Variants in SMARCD3 observed in about 807,000 individuals in gnomAD.
SMARCD3 encodes the protein SWI/SNF related BAF chromatin remodeling complex subunit D3.
A neutral mutation model predicts 58.0 loss-of-function variants in SMARCD3; 14 were observed. The observed-to-expected ratio is 0.24, with a 90% CI of 0.16 to 0.38. SMARCD3 has a LOEUF of 0.38. Ranked by LOEUF, SMARCD3 falls within the 10% of genes least tolerant of loss-of-function variation. The pLI is 1.00. For synonymous variants in SMARCD3, 253 were observed against 253.8 expected, an observed-to-expected ratio of 1.00 and a Z score of 0.03; for missense variants, 408 against 636.9, an observed-to-expected ratio of 0.64 and a Z score of 3.87.
rs2150598656 is a variant in SMARCD3, at chr7:151,248,359, T to G, written c.78+126A>C. On this transcript the variant is annotated intron_variant, in intron 1 of 12. Coordinates refer to ENST00000262188, the MANE Select transcript of SMARCD3 (RefSeq NM_001003801.2). The surrounding 1 kb of genome is among the most constrained non-coding windows in gnomAD (Gnocchi z 6.1). ...CCAGCACAGTCCCGCGGCCGGGCCG[T>G]GGGCCATGACGCCCCCCACTAGAGG... The G allele has an allele frequency of 1.2e-6, 1 of 809,554 alleles. No individual in the cohort carries two copies. The highest frequency in any genetic ancestry group is 2.0e-6 in the Non-Finnish European group (1 of 499,882). 50.1% of individuals were successfully genotyped at this position (809,554 alleles called of 1,614,324 possible).
chr7:151,259,615 T>TTGTTGTCTG (rs1554490163), intron 2 of SMARCD3, among the ~76,000 whole-genome samples: 1 of 134,202 alleles, frequency 7.5e-6, no homozygotes, highest in Non-Finnish European at 1.6e-5. Flanking sequence ...TTTTTTTTTT[T>TTGTTGTCTG]TTTTTTTTTT....
chr7:151,269,895 C>G (rs921511072), intron 2 of SMARCD3, among the ~76,000 whole-genome samples: 26 of 152,188 alleles, frequency 1.7e-4, no homozygotes, highest in African/African-American at 6.0e-4. Flanking sequence ...GTACCCCTTC[C>G]CCATCTGCCT....
At position 151,241,365 on chromosome 7, in the gene SMARCD3, GACTGTGT is replaced by G. The variant is rs556892910; in HGVS notation, c.939+120_939+126del. ...GTCGGTCTCTTGGCTCCAAGACCAT[GACTGTGT>G]ACTGCTTCTGCTACTCAGGAATCTA... On this transcript the variant is annotated intron_variant, in intron 8 of 12. Transcript: ENST00000262188. This position sits in a 1 kb window ranked among gnomAD's most constrained non-coding sequence, Gnocchi z 5.3. 2.5e-4 allele frequency: 206 copies of G among 828,252 alleles called. No individual in the cohort carries two copies. In the East Asian group the frequency reaches 2.7e-3, roughly 11 times the overall value. 51.3% of individuals were successfully genotyped at this position (828,252 alleles called of 1,614,324 possible). A position where few individuals can be genotyped will look rare whatever the true frequency, so the allele number is the denominator to read the frequency against.
chr7:151,259,601 G>GTTTTTTTGTTTTTT (rs1563682311), intron 2 of SMARCD3, among the ~76,000 whole-genome samples: 1 of 70,526 alleles, frequency 1.4e-5, no homozygotes, highest in African/African-American at 5.8e-5. Context: ...CAACCTGAGA[G>GTTTTTTTGTTTTTT]TTTTTTTTTT....
chr7:151,243,588 T>TGAGGGGGGAGGG lies in SMARCD3; in HGVS notation c.333+59_333+70dup. ...GACTGTGATGCTGAAGCTCTGCTTCTGAGGGGGGAGGGGAGGGCGGAGCAG... is the reference window on the plus strand; with the variant it reads ...GACTGTGATGCTGAAGCTCTGCTTCTGAGGGGGGAGGGGAGGGGGGAGGGGAGGGCGGAGCAG... On this transcript the variant is annotated intron_variant, in intron 3 of 12. Coordinates refer to ENST00000262188, the MANE Select transcript of SMARCD3 (RefSeq NM_001003801.2). This position sits in a 1 kb window ranked among gnomAD's most constrained non-coding sequence, Gnocchi z 4.4. 1.2e-6 allele frequency: 1 copy of TGAGGGGGGAGGG among 814,790 alleles called. No individual in the cohort carries two copies. The highest frequency in any genetic ancestry group is 2.1e-6 in the Non-Finnish European group (1 of 477,682). The allele number at this position is 814,790 out of a possible 1,614,324, so 50.5% of individuals were successfully genotyped here.
intron 1 of SMARCD3, among the ~76,000 whole-genome samples, chr7:151,247,034 C>T (rs1247806017): frequency 6.6e-6 from 1 of 152,128 alleles, no homozygotes; most frequent in African/African-American, 2.4e-5. Flanking sequence ...GTCCTCCCAC[C>T]CTCGGTCAGC....
chr7:151,249,225 CGG>C (rs942407077), upstream of SMARCD3: 19 of 152,036 alleles, frequency 1.2e-4, no homozygotes, highest in African/African-American at 4.6e-4. This position sits in a 1 kb window ranked among gnomAD's most constrained non-coding sequence, Gnocchi z 4.8. Context: ...CGCGCCTGCC[CGG>C]GGCCGGCGGC....
chr7:151,242,391 C>T lies in SMARCD3; in HGVS notation c.579+90G>A, dbSNP rs1000356845. 5 of 1,546,856 alleles carry T rather than the reference C, an allele frequency of 3.2e-6. No individual in the cohort carries two copies. Among genetic ancestry groups the T allele is most frequent in the Non-Finnish European group, 4.4e-6 (5 of 1,127,492 alleles). On this transcript the variant is annotated intron_variant, in intron 5 of 12. Coordinates refer to ENST00000262188, the MANE Select transcript of SMARCD3 (RefSeq NM_001003801.2). The surrounding 1 kb of genome is among the most constrained non-coding windows in gnomAD (Gnocchi z 4.7). ...CCCCTCCACCCAGCCTGGGCTGACT[C>T]CCTAGCCCTTAGTGCAGACACCTTG...
At chr7:151,240,543 A>T in intron 8 of SMARCD3, 21 bp from the exon 9 acceptor site, 1 of 1,547,286 alleles carries the variant, frequency 6.5e-7, no homozygotes, top group Non-Finnish European at 8.9e-7. Flanking sequence ...ACAATTGGGG[A>T]GAGAGAGATC....
chr7:151,244,444 CAA>C (rs1416151008), intron 2 of SMARCD3, among the ~76,000 whole-genome samples: 1 of 152,110 alleles, frequency 6.6e-6, no homozygotes, highest in Admixed American at 6.5e-5. Context: ...CTTGGCGGGT[CAA>C]GAGATGAAAA....
chr7:151,276,144 CG>C (rs201734071), intron 1 of SMARCD3, among the ~76,000 whole-genome samples: 1,314 of 80,390 alleles, frequency 0.016, 26 homozygotes, highest in African/African-American at 0.062. Context: ...AGTCCAGGGT[CG>C]GGGGGGAGGT....
upstream of SMARCD3, among the ~76,000 whole-genome samples, chr7:151,253,654 T>C (rs1803602310): frequency 6.6e-6 from 1 of 152,014 alleles, no homozygotes. Context: ...TCACAGCAGG[T>C]TTTCTCTTAC....
chr7:151,240,015 C>T lies in SMARCD3; in HGVS notation c.1173+97G>A, dbSNP rs143228938. 920 of 1,285,442 alleles carry T rather than the reference C, an allele frequency of 7.2e-4. 7 individuals are homozygous for T. The African/African-American group carries it at 0.012, about 17-fold the overall frequency. The allele number at this position is 1,285,442 out of a possible 1,614,324, so 79.6% of individuals were successfully genotyped here. On this transcript the variant is annotated intron_variant, in intron 10 of 12. Coordinates refer to ENST00000262188, the MANE Select transcript of SMARCD3 (RefSeq NM_001003801.2). ...TTTTTTTTTTTTTTTTTAATTTAACCCAGACTGCTCATCTGCAACCACACC... is the reference window on the plus strand; with the variant it reads ...TTTTTTTTTTTTTTTTTAATTTAACTCAGACTGCTCATCTGCAACCACACC...
intron 2 of SMARCD3, among the ~76,000 whole-genome samples, chr7:151,253,935 C>T (rs1803615810): frequency 6.6e-6 from 1 of 151,906 alleles, no homozygotes; most frequent in African/African-American, 2.4e-5. Context: ...TCAGAACCAT[C>T]CTCACTCTCC....
rs1165462820 is a variant in SMARCD3 at position 151,245,866 on chromosome 7, G to C, written c.79-195C>G. On this transcript the variant is annotated intron_variant, in intron 1 of 12. Coordinates refer to ENST00000262188, the MANE Select transcript of SMARCD3 (RefSeq NM_001003801.2). This position sits in a 1 kb window ranked among gnomAD's most constrained non-coding sequence, Gnocchi z 6.2. ...GAATCTGCGCGGCTCTGGCGGAGGG[G>C]CTTGGCGTCTGGCTGCAGGAAGCTA... 3 of 381,132 alleles carry C rather than the reference G, an allele frequency of 7.9e-6. No individual in the cohort carries two copies. Among genetic ancestry groups the C allele is most frequent in the African/African-American group, 4.2e-5 (2 of 47,882 alleles). 23.6% of individuals were successfully genotyped at this position (381,132 alleles called of 1,614,324 possible).
chr7:151,257,075 G>A (rs1334046713), intron 2 of SMARCD3, among the ~76,000 whole-genome samples: 1 of 152,138 alleles, frequency 6.6e-6, no homozygotes, highest in African/African-American at 2.4e-5. Flanking sequence ...TTAAAAAATA[G>A]AGGCAAAATC....
chr7:151,244,687 AGTG>A (rs1454590582), intron 2 of SMARCD3, among the ~76,000 whole-genome samples: 3 of 152,222 alleles, frequency 2.0e-5, no homozygotes, highest in African/African-American at 4.8e-5. Flanking sequence ...GATTCCTATA[AGTG>A]GTGATTTTTT....
upstream of SMARCD3, among the ~76,000 whole-genome samples, chr7:151,250,175 T>C (rs1269941897): frequency 3.3e-5 from 5 of 152,088 alleles, no homozygotes; most frequent in African/African-American, 9.7e-5. Flanking sequence ...CTGGTTGTGC[T>C]CTTGGCTGTC....
chr7:151,269,645 T>C (rs575069309), intron 2 of SMARCD3, among the ~76,000 whole-genome samples: 1 of 152,130 alleles, frequency 6.6e-6, no homozygotes, highest in East Asian at 1.9e-4. Context: ...GCGGGCAGCA[T>C]GAATGGCAGG....
Sources: allele counts gnomAD v4.1 joint callset (sites outside exome capture counted in the v4.1 genomes callset), GRCh38; gene constraint gnomAD v4.1.1; non-coding constraint Gnocchi (gnomAD v3.1); transcripts MANE v1.5; gene names NCBI Gene and HGNC (gene_info 2026-07-23, HGNC 2026-07-21).